The following SNX13 variants were observed in gnomAD, a reference collection of about 807,000 sequenced individuals.
The protein encoded by SNX13 is sorting nexin-13.
Under a neutral mutation model 133.6 loss-of-function variants are expected in SNX13, and 45 were observed. That is an observed-to-expected ratio of 0.34 (90% CI 0.27 to 0.43). SNX13 has a LOEUF of 0.43. SNX13 is among the 20% of genes least tolerant of loss of function. The probability of loss-of-function intolerance (pLI) is 1.00; values close to 1 mark genes in which losing one functional copy is unlikely to be tolerated. For missense variants in SNX13, 1,032 were observed against 1,145.1 expected (o/e 0.90, Z 1.43); for synonymous variants, 414 against 373.9 (o/e 1.11, Z -1.24).
intron 1 of SNX13, among the ~76,000 whole-genome samples, chr7:17,935,865 A>G (rs1801961586): frequency 6.6e-6 from 1 of 152,228 alleles, no homozygotes; most frequent in Non-Finnish European, 1.5e-5. Flanking sequence ...GAAATAGCTT[A>G]TATAGCTTAA....
rs1788854269 is a variant in SNX13 at position 17,834,174 on chromosome 7, A to G, written c.1475T>C (p.Leu492Ser). Residue 492 changes from leucine to serine, a missense_variant, in exon 15 of 26, where the codon TTG (leucine) becomes TCG (serine). Leu to Ser is a moderately radical substitution (Grantham distance 145). Coordinates refer to ENST00000428135, the MANE Select transcript of SNX13 (RefSeq NM_015132.5). The part of the protein sequence containing the change: ...FDDIQRKVYE[L>S]MLRDERFYPS... ...ATAAAATCTTTCATCTCGTAGCATC[A>G]ATTCATATACCTTGGTGAAATAAAT... 6.3e-7 allele frequency: 1 copy of G among 1,581,504 alleles called. No individual in the cohort carries two copies. The highest frequency in any genetic ancestry group is 1.3e-5 in the African/African-American group (1 of 74,206).
At chr7:17,887,504 A>G (rs908190929) in intron 5 of SNX13, among the ~76,000 whole-genome samples, 5 of 152,172 alleles carry the variant, frequency 3.3e-5, no homozygotes, top group African/African-American at 1.2e-4. Context: ...ACTAAATAAG[A>G]TGTTATGACT....
At position 17,803,401 on chromosome 7, in the gene SNX13, C is replaced by G. The variant is rs774616452; in HGVS notation, c.2226+18G>C. 3 of 1,590,176 alleles carry G rather than the reference C, an allele frequency of 1.9e-6. No individual in the cohort carries two copies. The highest frequency in any genetic ancestry group is 2.6e-6 in the Non-Finnish European group (3 of 1,167,518). ...TAAAAATAGTTTGCTTTAGACATTA[C>G]TGAAAATGTCTTCTTACCTTAAAAA... On this transcript the variant is annotated intron_variant, in intron 21 of 25. Coordinates refer to ENST00000428135, the MANE Select transcript of SNX13 (RefSeq NM_015132.5).
intron 9 of SNX13, among the ~76,000 whole-genome samples, chr7:17,853,207 A>G (rs1482681975): frequency 1.3e-5 from 2 of 152,154 alleles, no homozygotes; most frequent in Non-Finnish European, 2.9e-5. Context: ...TAAAAATAGG[A>G]ATGTAGAAGC....
At chr7:17,903,590 A>G (rs1798083346) in intron 1 of SNX13, among the ~76,000 whole-genome samples, 1 of 152,204 alleles carries the variant, frequency 6.6e-6, no homozygotes, top group Non-Finnish European at 1.5e-5. Context: ...TCACAGTCCA[A>G]GGTCAATTTT....
chr7:17,889,686 A>G (rs888034869), intron 5 of SNX13: 4 of 152,174 alleles, frequency 2.6e-5, no homozygotes, highest in African/African-American at 9.7e-5. Flanking sequence ...TAATTTAAAC[A>G]GGTGTGAAAT....
In SNX13 at chr7:17,901,780, T is replaced by A. The variant is rs896930636; in HGVS notation, c.13-4334A>T. On this transcript the variant is annotated intron_variant, in intron 1 of 25. Coordinates refer to ENST00000428135, the MANE Select transcript of SNX13 (RefSeq NM_015132.5). The stretch of plus-strand genomic sequence containing the variant: ...AGTTAAAACCAGCTACTGTGATCAG[T>A]CCCTGATTTTTGGTTCTTATGAAGG... Among the ~76,000 whole-genome samples, 5 of 152,324 alleles carry A rather than the reference T, an allele frequency of 3.3e-5. No individual in the cohort carries two copies. The Middle Eastern group carries it at 0.017, about 518-fold the overall frequency.
At chr7:17,833,266 T>C (rs144848815) in intron 15 of SNX13, among the ~76,000 whole-genome samples, 11 of 151,782 alleles carry the variant, frequency 7.2e-5, no homozygotes, top group Admixed American at 2.0e-4. Flanking sequence ...TATTCTTATA[T>C]AACTCACTAT....
chr7:17,816,667 AAAC>A lies in SNX13; in HGVS notation c.1846-381_1846-379del, dbSNP rs111526779. 3.7e-3 allele frequency among the ~76,000 whole-genome samples: 561 copies of A among 152,154 alleles called. 3 individuals carry two copies. The highest frequency in any genetic ancestry group is 8.2e-3 in the Admixed American group (125 of 15,290). On this transcript the variant is annotated intron_variant, in intron 18 of 25. Transcript: ENST00000428135. ...AACAAGAGCAAAACTCCGTCTCAAA[AAAC>A]AACAACAACAACAACAACAAAAACC...
intron 9 of SNX13, among the ~76,000 whole-genome samples, chr7:17,863,794 T>C (rs1160640809): frequency 2.0e-5 from 3 of 152,230 alleles, no homozygotes; most frequent in Non-Finnish European, 4.4e-5. Context: ...ATGTCACTGT[T>C]TCCCCAACTC....
intron 9 of SNX13, among the ~76,000 whole-genome samples, chr7:17,853,981 A>G (rs1287081193): frequency 6.6e-6 from 1 of 151,992 alleles, no homozygotes; most frequent in African/African-American, 2.4e-5. Flanking sequence ...AAAAGAAAAG[A>G]AAATTGGCAA....
In SNX13 at chr7:17,854,466, T is replaced by C. The variant is rs181701936; in HGVS notation, c.838-3502A>G. ...CTTGACTATGACACATCACACTGTG[T>C]TTTTTTTAACAAACTGAAGTTTTCT... On this transcript the variant is annotated intron_variant, in intron 9 of 25. Coordinates refer to ENST00000428135, the MANE Select transcript of SNX13 (RefSeq NM_015132.5). Among the ~76,000 whole-genome samples the C allele has an allele frequency of 7.2e-4, 109 of 152,082 alleles. 1 individual carries two copies. Among genetic ancestry groups the C allele is most frequent in the Middle Eastern group, 3.4e-3 (1 of 294 alleles).
chr7:17,818,556 C>T lies in SNX13; in HGVS notation c.1846-2267G>A, dbSNP rs371631197. Among the ~76,000 whole-genome samples the T allele has an allele frequency of 9.2e-5, 14 of 152,192 alleles. No homozygotes were observed. In the South Asian group the frequency reaches 2.3e-3, roughly 25 times the overall value. On this transcript the variant is annotated intron_variant, in intron 18 of 25. Transcript: ENST00000428135. ...CTATTTAAAAGATTATTTTAAACTA[C>T]GAACAAAACAATTGCCCATTCCCTG...
chr7:17,803,347 C>T, intron 21 of SNX13, 72 bp downstream of exon 21: 2 of 1,398,176 alleles, frequency 1.4e-6, no homozygotes, highest in Non-Finnish European at 1.9e-6. Context: ...AAGGTAAATC[C>T]AACCAGAATT....
intron 2 of SNX13, among the ~76,000 whole-genome samples, chr7:17,894,676 A>C (rs1465071575): frequency 6.6e-6 from 1 of 152,206 alleles, no homozygotes; most frequent in African/African-American, 2.4e-5. Flanking sequence ...TAAATTTACC[A>C]ATAAAGCAAA....
intron 17 of SNX13, among the ~76,000 whole-genome samples, chr7:17,823,599 C>A (rs546507004): frequency 2.0e-5 from 3 of 152,288 alleles, no homozygotes; most frequent in Admixed American, 1.3e-4. Flanking sequence ...TCTGATTTAA[C>A]AAAGTATATG....
At chr7:17,878,540 A>G (rs1439929556) in intron 5 of SNX13, among the ~76,000 whole-genome samples, 1 of 152,130 alleles carries the variant, frequency 6.6e-6, no homozygotes, top group Non-Finnish European at 1.5e-5. Context: ...CTGAACATAA[A>G]TTTTGCATGC....
intron 1 of SNX13, chr7:17,900,384 G>A (rs1208040117): frequency 6.6e-6 from 1 of 152,396 alleles, no homozygotes; most frequent in Admixed American, 6.5e-5. Flanking sequence ...ATAGGCTTGT[G>A]TCCTTCCCTT....
chr7:17,837,436 A>G (rs1789269457), intron 13 of SNX13, among the ~76,000 whole-genome samples: 1 of 152,018 alleles, frequency 6.6e-6, no homozygotes, highest in Admixed American at 6.6e-5. Context: ...CACTGCACCT[A>G]GCCTAAATAT....
Sources: allele counts gnomAD v4.1 joint callset (sites outside exome capture counted in the v4.1 genomes callset), GRCh38; gene constraint gnomAD v4.1.1; transcripts MANE v1.5; gene names NCBI Gene and HGNC (gene_info 2026-07-23, HGNC 2026-07-21).